Variants in NEBL observed in about 807,000 individuals in gnomAD.
The protein encoded by NEBL is LIM and SH3 protein 2.
In NEBL, 122 loss-of-function variants were observed where a neutral mutation model predicts 140.2. The observed-to-expected ratio is 0.87, with a 90% CI of 0.75 to 1.01. The LOEUF (loss-of-function observed/expected upper bound fraction) is 1.01. Among genes scored for constraint, NEBL ranks in the 50% least tolerant of loss-of-function variants. The probability of loss-of-function intolerance (pLI) is 0.00; values close to 1 mark genes in which losing one functional copy is unlikely to be tolerated. For synonymous variants in NEBL, 436 were observed against 398.9 expected (o/e 1.09, Z -1.11); for missense variants, 1,365 against 1,231.3 (o/e 1.11, Z -1.62).
chr10:20,881,878 T>C (rs564897922), intron 4 of NEBL, among the ~76,000 whole-genome samples: 5 of 152,304 alleles, frequency 3.3e-5, no homozygotes, highest in Admixed American at 1.3e-4. Context: ...GGATGTTAAA[T>C]GGAGTTGGAA....
At chr10:21,150,611 AATT>A (rs759185805) in intron 2 of NEBL, among the ~76,000 whole-genome samples, 1 of 152,212 alleles carries the variant, frequency 6.6e-6, no homozygotes, top group African/African-American at 2.4e-5. Flanking sequence ...AAAACTTCAG[AATT>A]ATTATCTGTG....
chr10:21,213,447 G>C (rs940613101), intron 3 of NEBL, among the ~76,000 whole-genome samples: 4 of 152,204 alleles, frequency 2.6e-5, no homozygotes, highest in African/African-American at 7.2e-5. Flanking sequence ...CTAAAGAACA[G>C]TGTCTATAAA....
chr10:20,843,234 G>C (rs546363577), intron 12 of NEBL, among the ~76,000 whole-genome samples: 4 of 152,138 alleles, frequency 2.6e-5, no homozygotes, highest in African/African-American at 9.6e-5. Context: ...GCCGGTAAGA[G>C]GGCCCTCGCT....
At chr10:21,178,964 C>T (rs114957304), upstream of NEBL, among the ~76,000 whole-genome samples, 1,404 of 152,190 alleles carry the variant, frequency 9.2e-3, 18 homozygotes, top group African/African-American at 0.029. Context: ...ATTTTGATGC[C>T]CAGAACTGGT....
chr10:20,971,447 C>CTT lies in NEBL; in HGVS notation c.250-9670_250-9669dup, dbSNP rs540090232. Among the ~76,000 whole-genome samples the CTT allele has an allele frequency of 1.1e-4, 16 of 141,968 alleles. No individual in the cohort carries two copies. In the South Asian group the frequency reaches 3.6e-3, roughly 32 times the overall value. 93.1% of individuals were successfully genotyped at this position (141,968 alleles called of 152,430 possible). A position where few individuals can be genotyped will look rare whatever the true frequency, so the allele number is the denominator to read the frequency against. On this transcript the variant is annotated intron_variant, in intron 3 of 6. Transcript: ENST00000417816. ...CACACACAGAATAGAATTTTTTTTT[C>CTT]TTTTTTTTTTTATTATACTTTAAGT...
At chr10:21,072,108 G>A (rs545157670) in intron 2 of NEBL, among the ~76,000 whole-genome samples, 21 of 152,150 alleles carry the variant, frequency 1.4e-4, no homozygotes, top group Admixed American at 9.2e-4. Flanking sequence ...ATGAGCCACC[G>A]TGCCTGGCCC....
chr10:21,186,381 G>A (rs546409961), intron 3 of NEBL, among the ~76,000 whole-genome samples: 1 of 151,902 alleles, frequency 6.6e-6, no homozygotes, highest in Non-Finnish European at 1.5e-5. Flanking sequence ...CTAGGGAGGG[G>A]ACTAGGTCAT....
At chr10:21,151,090 C>A (rs962416867) in intron 2 of NEBL, among the ~76,000 whole-genome samples, 1 of 152,208 alleles carries the variant, frequency 6.6e-6, no homozygotes, top group African/African-American at 2.4e-5. Context: ...AAGAAAGGAA[C>A]TGAAGTCATT....
chr10:21,146,326 C>G, intron 2 of NEBL: 2 of 1,602,216 alleles, frequency 1.2e-6, no homozygotes, highest in Non-Finnish European at 1.7e-6. Context: ...AAACCTGCCC[C>G]CAACACATAC....
At chr10:20,962,480 A>T (rs2131619663) in intron 3 of NEBL, among the ~76,000 whole-genome samples, 1 of 152,380 alleles carries the variant, frequency 6.6e-6, no homozygotes, top group East Asian at 1.9e-4. Context: ...GAAGTAGCGA[A>T]GATTTTTTTC....
At chr10:20,929,617 C>T (rs560305914) in intron 4 of NEBL, among the ~76,000 whole-genome samples, 1 of 152,268 alleles carries the variant, frequency 6.6e-6, no homozygotes, top group Non-Finnish European at 1.5e-5. Flanking sequence ...GTGGATGGAA[C>T]TGGAGGCCAT....
upstream of NEBL, among the ~76,000 whole-genome samples, chr10:21,179,552 G>A (rs1416960796): frequency 6.6e-6 from 1 of 151,836 alleles, no homozygotes; most frequent in East Asian, 1.9e-4. Flanking sequence ...ATAGATTTGA[G>A]GATCTCCTCC....
chr10:20,891,774 C>T (rs1041827924), intron 2 of NEBL, among the ~76,000 whole-genome samples: 4 of 151,602 alleles, frequency 2.6e-5, no homozygotes, highest in Non-Finnish European at 2.9e-5. Context: ...TACAATTGTA[C>T]AATTCAAGAG....
chr10:21,222,997 A>T (rs866545112), intron 3 of NEBL, among the ~76,000 whole-genome samples: 2 of 152,236 alleles, frequency 1.3e-5, no homozygotes, highest in African/African-American at 4.8e-5. Context: ...TCCTAACCTC[A>T]GGTGATCCAC....
At position 20,785,550 on chromosome 10, in the gene NEBL, T is replaced by A. The variant is rs1588585337; in HGVS notation, c.*197A>T. Reference sequence around the variant, plus strand: ...GTGTCCAGACACAAAGATTTTTGTTTGTAGGAATTACTGAAAATGCTGCTG... The same window carrying A: ...GTGTCCAGACACAAAGATTTTTGTTAGTAGGAATTACTGAAAATGCTGCTG... On this transcript the variant is annotated 3_prime_UTR_variant, in exon 28 of 28. Transcript: ENST00000377122. The A allele has an allele frequency of 4.7e-6, 3 of 639,552 alleles. No individual in the cohort carries two copies. The East Asian group carries it at 8.4e-5, about 18-fold the overall frequency. 39.6% of individuals were successfully genotyped at this position (639,552 alleles called of 1,614,324 possible).
chr10:21,202,150 C>A (rs1841747727), intron 3 of NEBL, among the ~76,000 whole-genome samples: 1 of 152,028 alleles, frequency 6.6e-6, no homozygotes, highest in African/African-American at 2.4e-5. Context: ...GCCCTATGCA[C>A]CCCACAAAGT....
At chr10:20,854,256 T>G (rs1038603076) in intron 9 of NEBL, among the ~76,000 whole-genome samples, 1 of 152,042 alleles carries the variant, frequency 6.6e-6, no homozygotes, top group Middle Eastern at 3.2e-3. Context: ...AAAACAGTAT[T>G]TGAAAGGGAG....
intron 3 of NEBL, among the ~76,000 whole-genome samples, chr10:21,228,391 C>G (rs186206491): frequency 6.6e-6 from 1 of 152,234 alleles, no homozygotes; most frequent in Admixed American, 6.5e-5. Context: ...TGGCCTTAAA[C>G]AATCCTCTCG....
intron 13 of NEBL, among the ~76,000 whole-genome samples, chr10:20,839,975 T>C (rs1441555669): frequency 6.6e-6 from 1 of 152,206 alleles, no homozygotes; most frequent in Non-Finnish European, 1.5e-5. Context: ...ATCTGAATTC[T>C]ACCTTGACAG....
Sources: gnomAD v4.1 joint callset for allele counts (sites outside exome capture counted in the v4.1 genomes callset) on GRCh38, gnomAD v4.1.1 for gene constraint, MANE v1.5 for transcripts, NCBI Gene and HGNC (gene_info 2026-07-23, HGNC 2026-07-21) for gene names.